Variants in SFI1 observed in about 807,000 individuals in gnomAD.
SFI1 encodes the protein protein SFI1 homolog.
In SFI1, 195 loss-of-function variants were observed where a neutral mutation model predicts 207.5. That is an observed-to-expected ratio of 0.94 (90% confidence interval 0.84 to 1.06). The LOEUF is 1.06. Among genes scored for constraint, SFI1 ranks in the 50% least tolerant of loss-of-function variants. The probability of loss-of-function intolerance (pLI) is 0.00; values close to 1 mark genes in which losing one functional copy is unlikely to be tolerated. For missense variants in SFI1, 1,634 were observed against 1,588.0 expected (o/e 1.03, Z -0.49); for synonymous variants, 630 against 598.9 (o/e 1.05, Z -0.76).
intron 14 of SFI1, among the ~76,000 whole-genome samples, chr22:31,586,213 C>T (rs932954990): frequency 6.6e-6 from 1 of 152,112 alleles, no homozygotes; most frequent in Non-Finnish European, 1.5e-5. Flanking sequence ...TTTCACACTC[C>T]CTTCCAGCTC....
At position 31,542,119 on chromosome 22, in the gene SFI1, AAG is replaced by A. The variant is rs1555978991; in HGVS notation, c.339-4740_339-4739del. On this transcript the variant is annotated intron_variant, in intron 4 of 32. Coordinates refer to ENST00000400288, the MANE Select transcript of SFI1 (RefSeq NM_001007467.3). ...CCGTCTTTAAAAAAAAAAAAAAAAA[AAG>A]AAATGTACAGTTTAGGAGCCAGTCT... Among the ~76,000 whole-genome samples, 454 of 149,778 alleles carry A rather than the reference AAG, an allele frequency of 3.0e-3. 4 individuals carry two copies. The highest frequency in any genetic ancestry group is 0.011 in the African/African-American group (439 of 40,752).
At chr22:31,554,943 G>A (rs1237074828) in intron 6 of SFI1, among the ~76,000 whole-genome samples, 1 of 152,110 alleles carries the variant, frequency 6.6e-6, no homozygotes, top group Non-Finnish European at 1.5e-5. Context: ...TTAGAAGTGT[G>A]TTTAGTTTTC....
intron 4 of SFI1, 87 bp downstream of exon 4, chr22:31,531,216 G>T: frequency 1.8e-6 from 2 of 1,098,804 alleles, no homozygotes; most frequent in Non-Finnish European, 1.3e-6. Context: ...CTTCATTATG[G>T]CTTGTGCTGT....
At chr22:31,561,085 AC>A (rs1189312177) in intron 7 of SFI1, among the ~76,000 whole-genome samples, 1 of 152,148 alleles carries the variant, frequency 6.6e-6, no homozygotes, top group Non-Finnish European at 1.5e-5. Context: ...GACCGTAGGA[AC>A]CATAAGTTTC....
Position 31,611,406 on chromosome 22 carries a change from A to G in SFI1, c.2415+103A>G, listed in dbSNP as rs2070114041. ...AAGGGGTCTTTCCTGACAGCACTCCATGCAGCCGGTATGAGTGGTGGGTGG... is the reference window on the plus strand; with the variant it reads ...AAGGGGTCTTTCCTGACAGCACTCCGTGCAGCCGGTATGAGTGGTGGGTGG... On this transcript the variant is annotated intron_variant, in intron 23 of 32. Coordinates refer to ENST00000400288, the MANE Select transcript of SFI1 (RefSeq NM_001007467.3). 7.3e-6 allele frequency: 10 copies of G among 1,370,428 alleles called. No homozygotes were observed. In the Admixed American group the frequency reaches 1.3e-4, roughly 18 times the overall value. The allele number at this position is 1,370,428 out of a possible 1,614,324, so 84.9% of individuals were successfully genotyped here.
chr22:31,597,106 C>T (rs555492279), intron 15 of SFI1, among the ~76,000 whole-genome samples: 1 of 152,264 alleles, frequency 6.6e-6, no homozygotes. Context: ...CACACAGTAC[C>T]CGTTTCTTTT....
At chr22:31,581,352 G>A (rs373299484) in intron 12 of SFI1, among the ~76,000 whole-genome samples, 2 of 150,798 alleles carry the variant, frequency 1.3e-5, no homozygotes, top group African/African-American at 2.4e-5. Context: ...GCAGTGGTGC[G>A]ATCTCAACTC....
intron 8 of SFI1, 75 bp from the exon 9 acceptor site, chr22:31,572,983 C>CT (rs1251938435): frequency 2.2e-5 from 33 of 1,490,078 alleles, no homozygotes; most frequent in Non-Finnish European, 3.0e-5. Flanking sequence ...GTGCCTTTCT[C>CT]TTTTCCCTCT....
intron 21 of SFI1, 75 bp from the exon 22 acceptor site, chr22:31,607,861 CA>C: frequency 7.4e-7 from 1 of 1,348,696 alleles, no homozygotes; most frequent in Non-Finnish European, 1.0e-6. Flanking sequence ...CTCCAGGAGC[CA>C]CCGTCACAGA....
At chr22:31,614,143 C>T (rs1435630529) in intron 27 of SFI1, 1 of 446,594 alleles carries the variant, frequency 2.2e-6, no homozygotes, top group Non-Finnish European at 4.0e-6. Context: ...GTCCTGCTGA[C>T]ACGATCTTTT....
At chr22:31,535,961 ACTC>A (rs1270486545) in intron 4 of SFI1, among the ~76,000 whole-genome samples, 9 of 148,712 alleles carry the variant, frequency 6.1e-5, no homozygotes, top group Admixed American at 4.0e-4. Flanking sequence ...ATTTCATAGA[ACTC>A]CTTCTTCTGT....
At chr22:31,585,254 G>A in intron 14 of SFI1, 120 bp downstream of exon 14, 1 of 786,850 alleles carries the variant, frequency 1.3e-6, no homozygotes, top group Non-Finnish European at 2.0e-6. Context: ...TTGGAAGAGA[G>A]GGTGTTGAAA....
Position 31,513,637 on chromosome 22 carries a change from G to A in SFI1, c.92+5261G>A, listed in dbSNP as rs370695904. 1.3e-4 allele frequency among the ~76,000 whole-genome samples: 19 copies of A among 151,806 alleles called. 1 individual carries two copies. The East Asian group carries it at 2.6e-3, about 20-fold the overall frequency. ...CTGTCGCCCAGGCTGGAGTGCAGTG[G>A]TGCGATCTCAGCTCACTGCAACCTC... On this transcript the variant is annotated intron_variant, in intron 2 of 32. Transcript: ENST00000400288.
intron 12 of SFI1, 58 bp downstream of exon 12, chr22:31,580,422 T>C: frequency 1.4e-6 from 2 of 1,434,434 alleles, no homozygotes. Context: ...CTCTCGCTCT[T>C]TTTTTCAGTC....
At position 31,580,273 on chromosome 22, in the gene SFI1, A is replaced by T. The variant is rs2063956085; in HGVS notation, c.1157A>T (p.Tyr386Phe). Residue 386 changes from tyrosine (Y) to phenylalanine (F), a missense_variant and splice_region_variant, in exon 12 of 33, where the codon TAT becomes TTT. Transcript: ENST00000400288. ...CAGTTGTGTCCTTTCTTTGCACAGT[A>T]TTTTTGCTTTAGAGCCCTAAAAGAC... ...AEEHHRHSQL[Y>F]FCFRALKDNV... 1 of 1,612,782 alleles carries T rather than the reference A, an allele frequency of 6.2e-7. No homozygotes were observed. The highest frequency in any genetic ancestry group is 1.3e-5 in the African/African-American group (1 of 74,824).
At position 31,613,148 on chromosome 22, in the gene SFI1, G is replaced by A. The variant is rs772097646; in HGVS notation, c.2497G>A (p.Ala833Thr). 1 of 1,613,494 alleles carries A rather than the reference G, an allele frequency of 6.2e-7. No homozygotes were observed. The highest frequency in any genetic ancestry group is 8.5e-7 in the Non-Finnish European group (1 of 1,179,974). ...CFRQWRQQLA[A>T]RRQEQRATVR... ...CTGGTCTTTCTGGCCCTAGCTGGCA[G>A]CCAGGAGGCAGGAGCAGCGGGCGAC... The change falls in exon 25 of 33, where the codon GCC (alanine) becomes ACC (threonine). Residue 833 changes from alanine (A) to threonine (T), a missense_variant. By Grantham distance (58) the Ala-to-Thr change is moderately conservative (BLOSUM62 0). Coordinates refer to ENST00000400288, the MANE Select transcript of SFI1 (RefSeq NM_001007467.3).
chr22:31,568,149 C>A (rs2062518793), intron 8 of SFI1, among the ~76,000 whole-genome samples: 1 of 117,770 alleles, frequency 8.5e-6, no homozygotes, highest in South Asian at 2.6e-4. Flanking sequence ...TGGACTCTCT[C>A]TCTCTCTATA....
At chr22:31,569,075 G>A (rs1199493423) in intron 8 of SFI1, among the ~76,000 whole-genome samples, 3 of 152,152 alleles carry the variant, frequency 2.0e-5, no homozygotes, top group African/African-American at 4.8e-5. Context: ...TATATAAACT[G>A]TTAACTCCAA....
At chr22:31,606,690 T>C in intron 21 of SFI1, 1 of 264,532 alleles carries the variant, frequency 3.8e-6, no homozygotes, top group East Asian at 7.5e-5. Flanking sequence ...ATTTTCTTTT[T>C]TTCTTTTTTT....
Sources: gnomAD v4.1 joint callset for allele counts (sites outside exome capture counted in the v4.1 genomes callset) on GRCh38, gnomAD v4.1.1 for gene constraint, MANE v1.5 for transcripts, NCBI Gene and HGNC (gene_info 2026-07-23, HGNC 2026-07-21) for gene names.